The following CDH3 variants were observed in gnomAD, a reference collection of about 807,000 sequenced individuals.
CDH3 encodes the protein cadherin 3.
CDH3 carries 54 observed loss-of-function variants against 82.0 expected under a neutral mutation model. That is an observed-to-expected ratio of 0.66 (90% CI 0.53 to 0.83). CDH3 has a LOEUF of 0.83. Ranked by LOEUF, CDH3 falls within the 40% of genes least tolerant of loss-of-function variation. CDH3 has a pLI of 0.00. For missense variants in CDH3, 1,054 were observed against 1,084.6 expected (o/e 0.97, Z 0.40); for synonymous variants, 446 against 437.9 (o/e 1.02, Z -0.23).
chr16:68,669,181 T>C (rs1960819913), intron 2 of CDH3, among the ~76,000 whole-genome samples: 1 of 152,176 alleles, frequency 6.6e-6, no homozygotes, highest in Non-Finnish European at 1.5e-5. Flanking sequence ...AGTTGTCAGA[T>C]TGGGAGAAGT....
intron 2 of CDH3, chr16:68,651,117 G>T: frequency 2.3e-6 from 1 of 437,794 alleles, no homozygotes; most frequent in South Asian, 1.8e-5. Context: ...GAGCCCTGTT[G>T]GCCACTGGGC....
chr16:68,679,717 AAG>A (rs1555506164), intron 6 of CDH3, 80 bp from the exon 7 acceptor site: 17 of 799,026 alleles, frequency 2.1e-5, no homozygotes, highest in African/African-American at 3.7e-5. Flanking sequence ...AAAAAAAAAA[AAG>A]AAAAGAAAAA....
intron 9 of CDH3, 130 bp from the exon 10 acceptor site, chr16:68,684,453 G>A (rs1597811206): frequency 2.9e-6 from 3 of 1,018,032 alleles, no homozygotes; most frequent in East Asian, 4.7e-5. Flanking sequence ...TACAGAGAAA[G>A]GGCAGCACTG....
intron 2 of CDH3, among the ~76,000 whole-genome samples, chr16:68,656,998 C>T (rs1211817087): frequency 6.6e-6 from 1 of 152,128 alleles, no homozygotes; most frequent in East Asian, 1.9e-4. Context: ...CCACCTCTTG[C>T]TCTGGGTAGA....
chr16:68,672,474 C>T (rs369970966), intron 2 of CDH3, among the ~76,000 whole-genome samples: 2 of 152,256 alleles, frequency 1.3e-5, no homozygotes, highest in East Asian at 3.9e-4. Flanking sequence ...GCCACATTAT[C>T]GTTCCTGGTC....
chr16:68,698,496 C>T lies in CDH3; in HGVS notation c.*96C>T. On this transcript the variant is annotated 3_prime_UTR_variant, in exon 16 of 16. Transcript: ENST00000264012. ...TTCAGCTGAGGACTTCGGAGCTTGT[C>T]AGGAAGTGGCCGTAGCAACTTGGCG... 1 of 1,129,706 alleles carries T rather than the reference C, an allele frequency of 8.9e-7. No individual in the cohort carries two copies. The highest frequency in any genetic ancestry group is 1.3e-6 in the Non-Finnish European group (1 of 758,126). 70.0% of individuals were successfully genotyped at this position (1,129,706 alleles called of 1,614,324 possible).
intron 11 of CDH3, 21 bp from the exon 12 acceptor site, chr16:68,687,491 C>G (rs1211085844): frequency 1.9e-6 from 3 of 1,603,750 alleles, no homozygotes; most frequent in African/African-American, 2.7e-5. Context: ...GGGAGCTCAT[C>G]ATATGTGTCA....
intron 1 of CDH3, among the ~76,000 whole-genome samples, chr16:68,710,904 A>C (rs1448502626): frequency 7.0e-6 from 1 of 141,928 alleles, no homozygotes; most frequent in Non-Finnish European, 1.5e-5. Context: ...GAAAAGAAGA[A>C]AGGAAGAAAG....
intron 2 of CDH3, among the ~76,000 whole-genome samples, chr16:68,666,082 C>T (rs906786715): frequency 1.3e-5 from 2 of 152,040 alleles, no homozygotes; most frequent in Non-Finnish European, 2.9e-5. Flanking sequence ...TTGAGGGTAT[C>T]TGATCTGAGG....
intron 2 of CDH3, among the ~76,000 whole-genome samples, chr16:68,673,192 A>T (rs961459207): frequency 2.6e-5 from 4 of 152,218 alleles, no homozygotes; most frequent in African/African-American, 4.8e-5. Context: ...TTAGGGAATT[A>T]ATATATCAAT....
At chr16:68,657,747 G>C (rs1442105048) in intron 2 of CDH3, among the ~76,000 whole-genome samples, 2 of 152,210 alleles carry the variant, frequency 1.3e-5, no homozygotes, top group East Asian at 3.8e-4. Flanking sequence ...TAAATGGGGA[G>C]ATGGGGAATG....
Position 68,722,272 on chromosome 16 carries a change from T to TTGAA in CDH3, c.100-132_100-129dup, listed in dbSNP as rs10656269. On this transcript the variant is annotated intron_variant, in intron 1 of 2. Coordinates refer to the CDH3 transcript ENST00000569080. Reference sequence around the variant, plus strand: ...CATGCTAGGTGCCAGTGAGTGTTTATTGAATGAATGAATGAATGAATGAAC... The same window carrying TTGAA: ...CATGCTAGGTGCCAGTGAGTGTTTATTGAATGAATGAATGAATGAATGAATGAAC... 9.9e-3 allele frequency among the ~76,000 whole-genome samples: 1,509 copies of TTGAA among 152,158 alleles called. 24 individuals are homozygous for TTGAA. Among genetic ancestry groups the TTGAA allele is most frequent in the African/African-American group, 0.033 (1,371 of 41,488 alleles).
intron 1 of CDH3, among the ~76,000 whole-genome samples, chr16:68,705,989 T>A (rs1397869402): frequency 7.1e-6 from 1 of 141,150 alleles, no homozygotes; most frequent in Non-Finnish European, 1.5e-5. Context: ...GGCATGAACC[T>A]GGGAGGCAGA....
rs192239117 is a variant in CDH3, at chr16:68,678,047, C to A, written c.247-87C>A. 4.8e-4 allele frequency: 616 copies of A among 1,285,090 alleles called. 6 individuals carry two copies. The African/African-American group carries it at 8.2e-3, about 17-fold the overall frequency. The allele number at this position is 1,285,090 out of a possible 1,614,324, so 79.6% of individuals were successfully genotyped here. On this transcript the variant is annotated intron_variant, in intron 3 of 15. Transcript: ENST00000264012. ...TATAGGCGTGAGCTACCATGCCCAG[C>A]CACCCTTTTAACTCTTATAGGTGAG... is the stretch of plus-strand genomic sequence containing the variant.
At chr16:68,683,729 C>A in intron 9 of CDH3, among the ~76,000 whole-genome samples, 1 of 78,758 alleles carries the variant, frequency 1.3e-5, no homozygotes, top group Non-Finnish European at 2.6e-5. Context: ...AAAGAAAATC[C>A]AGCCTGGACA....
intron 2 of CDH3, among the ~76,000 whole-genome samples, chr16:68,669,652 G>T (rs1236122102): frequency 2.6e-5 from 4 of 152,028 alleles, no homozygotes; most frequent in Admixed American, 2.6e-4. Context: ...CAGAGTTTTG[G>T]GGATTAAGTC....
chr16:68,708,615 T>C (rs1961992324), intron 1 of CDH3, among the ~76,000 whole-genome samples: 1 of 151,784 alleles, frequency 6.6e-6, no homozygotes, highest in African/African-American at 2.4e-5. Context: ...CTGTCTTTCT[T>C]TCTTTTCTTT....
At position 68,698,245 on chromosome 16, in the gene CDH3, G is replaced by C; in HGVS notation, c.2335G>C (p.Val779Leu). ...AGCCCCGCCCTACGACACCCTCTTGGTGTTCGACTATGAGGGCAGCGGCTC... is the reference window on the plus strand; with the variant it reads ...AGCCCCGCCCTACGACACCCTCTTGCTGTTCGACTATGAGGGCAGCGGCTC... The part of the protein sequence containing the change: ...PTAPPYDTLL[V>L]FDYEGSGSDA... The change falls in exon 16 of 16, where the codon GTG (valine) becomes CTG (leucine). Residue 779 changes from valine to leucine, a missense_variant. Physicochemically the swap from Val to Leu is conservative, Grantham distance 32. Coordinates refer to ENST00000264012, the MANE Select transcript of CDH3 (RefSeq NM_001793.6). The C allele has an allele frequency of 1.2e-6, 2 of 1,614,252 alleles. No homozygotes were observed. The highest frequency in any genetic ancestry group is 1.7e-6 in the Non-Finnish European group (2 of 1,180,052).
intron 2 of CDH3, among the ~76,000 whole-genome samples, chr16:68,658,436 C>T (rs533862111): frequency 1.3e-5 from 2 of 152,104 alleles, no homozygotes; most frequent in Non-Finnish European, 1.5e-5. Flanking sequence ...CTTCCCTGTG[C>T]GTGCATGGGA....
Sources: gnomAD v4.1 joint callset for allele counts (sites outside exome capture counted in the v4.1 genomes callset) on GRCh38, gnomAD v4.1.1 for gene constraint, MANE v1.5 for transcripts, NCBI Gene and HGNC (gene_info 2026-07-23, HGNC 2026-07-21) for gene names.